Variants in PTPRM observed in about 807,000 individuals in gnomAD.
The protein encoded by PTPRM is protein tyrosine phosphatase receptor type M.
Under a neutral mutation model 186.7 loss-of-function variants are expected in PTPRM, and 47 were observed. The observed-to-expected ratio is 0.25, with a 90% CI of 0.20 to 0.32. The LOEUF (loss-of-function observed/expected upper bound fraction) is 0.32. Among genes scored for constraint, PTPRM ranks in the 10% least tolerant of loss-of-function variants. The pLI, the probability that PTPRM is intolerant of heterozygous loss-of-function variation, is 1.00. For synonymous variants in PTPRM, 668 were observed against 674.9 expected (o/e 0.99, Z 0.16); for missense variants, 1,494 against 1,865.0 (o/e 0.80, Z 3.66).
At chr18:7,920,009 T>C (rs1434871865) in intron 4 of PTPRM, among the ~76,000 whole-genome samples, 1 of 152,144 alleles carries the variant, frequency 6.6e-6, no homozygotes, top group Non-Finnish European at 1.5e-5. Context: ...ATACTCCTCC[T>C]CTTTTTTTGT....
intron 14 of PTPRM, among the ~76,000 whole-genome samples, chr18:8,158,520 C>T (rs1472346675): frequency 1.3e-5 from 2 of 151,934 alleles, no homozygotes; most frequent in Non-Finnish European, 2.9e-5. Flanking sequence ...ATAAGTAAAA[C>T]AATGAAGAGT....
chr18:7,800,716 C>A (rs973049303), intron 2 of PTPRM, among the ~76,000 whole-genome samples: 5 of 152,126 alleles, frequency 3.3e-5, no homozygotes, highest in Admixed American at 3.3e-4. Context: ...ATTGTTCAGG[C>A]AGTTCTATCC....
chr18:8,001,059 T>C (rs2083843027), intron 7 of PTPRM, among the ~76,000 whole-genome samples: 1 of 152,140 alleles, frequency 6.6e-6, no homozygotes, highest in South Asian at 2.1e-4. Context: ...TGGAAATGTC[T>C]GATTGGGGGC....
At chr18:8,177,514 T>C (rs890165366) in intron 14 of PTPRM, among the ~76,000 whole-genome samples, 2 of 152,218 alleles carry the variant, frequency 1.3e-5, no homozygotes, top group Admixed American at 1.3e-4. Flanking sequence ...GTTCCTGTGA[T>C]TGACGGAAGC....
Position 7,949,170 on chromosome 18 carries a change from A to T in PTPRM, c.664-11A>T. The T allele has an allele frequency of 6.3e-7, 1 of 1,587,426 alleles. No homozygotes were observed. The highest frequency in any genetic ancestry group is 1.7e-5 in the Admixed American group (1 of 59,546). Reference sequence around the variant, plus strand: ...TGCTTCTTTTTGTCCTCCCCACCCCACTTGATACAGGGCATTGATGTGCGA... The same window carrying T: ...TGCTTCTTTTTGTCCTCCCCACCCCTCTTGATACAGGGCATTGATGTGCGA... On this transcript the variant is annotated splice_polypyrimidine_tract_variant and intron_variant, in intron 5 of 32. Transcript: ENST00000580170.
chr18:7,682,775 T>C (rs2039508450), intron 1 of PTPRM, among the ~76,000 whole-genome samples: 1 of 152,078 alleles, frequency 6.6e-6, no homozygotes, highest in Admixed American at 6.5e-5. Context: ...GAGGAAGTCG[T>C]TTATGATTTT....
intron 2 of PTPRM, among the ~76,000 whole-genome samples, chr18:7,863,415 G>T (rs563435572): frequency 1.3e-5 from 2 of 151,768 alleles, no homozygotes; most frequent in African/African-American, 2.4e-5. Flanking sequence ...TGTTCTCATC[G>T]TTCGACTCCC....
chr18:8,262,322 T>C (rs1396675277), intron 19 of PTPRM, among the ~76,000 whole-genome samples: 1 of 152,242 alleles, frequency 6.6e-6, no homozygotes, highest in Non-Finnish European at 1.5e-5. Flanking sequence ...ATGGATGTTA[T>C]CATGTTTGAC....
At chr18:7,721,051 T>C (rs2040436374) in intron 1 of PTPRM, among the ~76,000 whole-genome samples, 1 of 152,126 alleles carries the variant, frequency 6.6e-6, no homozygotes. Flanking sequence ...TTCCATACTC[T>C]TTACCACAGA....
intron 2 of PTPRM, among the ~76,000 whole-genome samples, chr18:7,795,146 G>A (rs1171391526): frequency 6.6e-6 from 1 of 152,192 alleles, no homozygotes; most frequent in Non-Finnish European, 1.5e-5. Flanking sequence ...AGGTATTGTG[G>A]ATCGTCGTTG....
chr18:7,941,221 G>A (rs971880264), intron 5 of PTPRM, among the ~76,000 whole-genome samples: 1 of 152,158 alleles, frequency 6.6e-6, no homozygotes, highest in Non-Finnish European at 1.5e-5. Flanking sequence ...TTTATTCACT[G>A]TCTAGCCCAC....
chr18:7,848,266 G>A (rs536695528), intron 2 of PTPRM, among the ~76,000 whole-genome samples: 8 of 152,286 alleles, frequency 5.3e-5, no homozygotes, highest in South Asian at 2.1e-4. Context: ...ACATTTTGGA[G>A]TTGAGATTGG....
At chr18:8,299,588 C>CAAAA (rs369444134) in intron 20 of PTPRM, among the ~76,000 whole-genome samples, 18 of 147,784 alleles carry the variant, frequency 1.2e-4, no homozygotes, top group South Asian at 4.5e-4. Flanking sequence ...CCAGAGGTCT[C>CAAAA]AAAAAAACAA....
chr18:7,766,535 C>T (rs2042022548), intron 1 of PTPRM, among the ~76,000 whole-genome samples: 1 of 152,170 alleles, frequency 6.6e-6, no homozygotes, highest in South Asian at 2.1e-4. Flanking sequence ...GGTAATGTGC[C>T]CTCTGATTGG....
In PTPRM at chr18:8,406,703, T is replaced by C. The variant is rs1348616708; in HGVS notation, c.*541T>C. 6.5e-6 allele frequency: 1 copy of C among 152,800 alleles called. No homozygotes were observed. The highest frequency in any genetic ancestry group is 2.4e-5 in the African/African-American group (1 of 41,464). The allele number at this position is 152,800 out of a possible 1,614,324, so 9.5% of individuals were successfully genotyped here. A position where few individuals can be genotyped will look rare whatever the true frequency, so the allele number is the denominator to read the frequency against. On this transcript the variant is annotated 3_prime_UTR_variant, in exon 33 of 33. Coordinates refer to ENST00000580170, the MANE Select transcript of PTPRM (RefSeq NM_001105244.2). ...AGTCGTCGTTTCTGTCAGATTTGTATTGTTTCCAAGGGAAAAGCTTGGGGG... is the reference window on the plus strand; with the variant it reads ...AGTCGTCGTTTCTGTCAGATTTGTACTGTTTCCAAGGGAAAAGCTTGGGGG...
intron 31 of PTPRM, among the ~76,000 whole-genome samples, chr18:8,393,978 C>T (rs982126843): frequency 9.9e-5 from 15 of 152,078 alleles, no homozygotes; most frequent in South Asian, 6.2e-4. Flanking sequence ...TTTTTAGTAG[C>T]GATGGGGTTT....
chr18:8,374,124 T>C (rs1213554142), intron 24 of PTPRM, among the ~76,000 whole-genome samples: 1 of 152,222 alleles, frequency 6.6e-6, no homozygotes, highest in East Asian at 1.9e-4. Context: ...TTTGCCACTC[T>C]TGTCAATAGC....
chr18:8,225,713 T>C (rs2094205503), intron 14 of PTPRM, among the ~76,000 whole-genome samples: 1 of 152,158 alleles, frequency 6.6e-6, no homozygotes, highest in African/African-American at 2.4e-5. Context: ...CATTGGTAAA[T>C]AGTGAAATAT....
At chr18:7,787,964 T>G (rs1447257744) in intron 2 of PTPRM, among the ~76,000 whole-genome samples, 1 of 152,204 alleles carries the variant, frequency 6.6e-6, no homozygotes, top group Non-Finnish European at 1.5e-5. Context: ...TCAAATAATG[T>G]CTTCTTATGA....
Sources: gnomAD v4.1 joint callset for allele counts (sites outside exome capture counted in the v4.1 genomes callset) on GRCh38, gnomAD v4.1.1 for gene constraint, MANE v1.5 for transcripts, NCBI Gene and HGNC (gene_info 2026-07-23, HGNC 2026-07-21) for gene names.